The following LRP1B variants were observed in gnomAD, a reference collection of about 807,000 sequenced individuals.
LRP1B encodes LDL receptor related protein 1B, also known as low-density lipoprotein receptor-related protein 1B.
LRP1B carries 217 observed loss-of-function variants against 556.6 expected under a neutral mutation model. The ratio of observed to expected loss-of-function variants is 0.39; its 90% CI spans 0.35 to 0.44. The LOEUF is 0.44. Ranked by LOEUF, LRP1B falls within the 20% of genes least tolerant of loss-of-function variation. LRP1B has a pLI of 1.00. For missense variants in LRP1B, 5,053 were observed against 5,620.8 expected, an observed-to-expected ratio of 0.90 and a Z score of 3.23; for synonymous variants, 2,047 against 1,865.8, an observed-to-expected ratio of 1.10 and a Z score of -2.50.
chr2:141,188,650 A>G (rs1281798451), intron 6 of LRP1B, 67 bp from the exon 7 acceptor site: 6 of 1,404,986 alleles, frequency 4.3e-6, no homozygotes, highest in African/African-American at 1.4e-5. Context: ...CAAAAATAAC[A>G]TAAGTGTTTC....
chr2:140,779,721 G>A (rs988981262), intron 32 of LRP1B, among the ~76,000 whole-genome samples: 3 of 142,150 alleles, frequency 2.1e-5, no homozygotes, highest in African/African-American at 7.9e-5. Flanking sequence ...AAAAGTGTGT[G>A]TGTGTGTGTG....
intron 3 of LRP1B, among the ~76,000 whole-genome samples, chr2:141,439,872 G>T (rs1228516928): frequency 6.6e-6 from 1 of 152,152 alleles, no homozygotes; most frequent in Admixed American, 6.5e-5. Context: ...TTAATTTCTT[G>T]CTTCAATTCA....
intron 3 of LRP1B, among the ~76,000 whole-genome samples, chr2:141,289,381 CAAAAAAAA>C (rs34784985): frequency 9.2e-5 from 4 of 43,468 alleles, no homozygotes; most frequent in Admixed American, 3.0e-4. Flanking sequence ...GACTCCATCT[CAAAAAAAA>C]AAAAAAAAAA....
chr2:140,699,674 A>T (rs1020921302), intron 41 of LRP1B, among the ~76,000 whole-genome samples: 10 of 151,204 alleles, frequency 6.6e-5, no homozygotes, highest in Non-Finnish European at 1.5e-5. Flanking sequence ...AATTATGTGG[A>T]TAATCCTCAC....
At chr2:140,802,525 C>T (rs1470445467) in intron 32 of LRP1B, among the ~76,000 whole-genome samples, 3 of 152,116 alleles carry the variant, frequency 2.0e-5, no homozygotes, top group Admixed American at 2.0e-4. Flanking sequence ...TTCACCACTT[C>T]AGAAAAATCA....
At chr2:142,112,995 A>C (rs186212281) in intron 1 of LRP1B, among the ~76,000 whole-genome samples, 1 of 152,264 alleles carries the variant, frequency 6.6e-6, no homozygotes, top group East Asian at 1.9e-4. Flanking sequence ...GTTGGTACTT[A>C]ACCACCAGAA....
intron 18 of LRP1B, among the ~76,000 whole-genome samples, chr2:140,956,840 A>T (rs1695888054): frequency 6.6e-6 from 1 of 151,754 alleles, no homozygotes; most frequent in Non-Finnish European, 1.5e-5. Context: ...TAGTTACCTA[A>T]CATCTCTGAA....
intron 3 of LRP1B, among the ~76,000 whole-genome samples, chr2:141,441,297 T>C (rs1049473532): frequency 6.6e-6 from 1 of 151,992 alleles, no homozygotes; most frequent in African/African-American, 2.4e-5. Context: ...AGGCTAGTCT[T>C]GAACGCCTGA....
intron 2 of LRP1B, among the ~76,000 whole-genome samples, chr2:141,592,616 A>C (rs1687380316): frequency 6.6e-6 from 1 of 152,186 alleles, no homozygotes; most frequent in Non-Finnish European, 1.5e-5. Context: ...GAAGATATGA[A>C]AGTATATATC....
chr2:140,731,764 CAAAAAAA>C (rs36060787), intron 35 of LRP1B, among the ~76,000 whole-genome samples: 2 of 59,388 alleles, frequency 3.4e-5, no homozygotes, highest in East Asian at 4.9e-4. Context: ...GAGACTCCGT[CAAAAAAA>C]AAAAAAAAAA....
At chr2:141,496,968 C>T (rs761014323) in intron 2 of LRP1B, among the ~76,000 whole-genome samples, 5 of 151,932 alleles carry the variant, frequency 3.3e-5, no homozygotes, top group Admixed American at 6.6e-5. Flanking sequence ...TCTGACAGCT[C>T]GGTTCAAATT....
chr2:141,016,668 C>A (rs2105391169), intron 12 of LRP1B, among the ~76,000 whole-genome samples: 1 of 152,162 alleles, frequency 6.6e-6, no homozygotes, highest in South Asian at 2.1e-4. Flanking sequence ...GAGAGGGGGT[C>A]TTGAACTAAT....
intron 50 of LRP1B, among the ~76,000 whole-genome samples, chr2:140,515,674 ATAAAAT>A (rs1283248121): frequency 2.0e-5 from 3 of 152,070 alleles, no homozygotes; most frequent in African/African-American, 7.2e-5. Context: ...TTTGGAAAAA[ATAAAAT>A]TAAAGAAGAT....
intron 7 of LRP1B, among the ~76,000 whole-genome samples, chr2:141,100,644 A>C (rs1263332497): frequency 6.6e-6 from 1 of 152,192 alleles, no homozygotes; most frequent in East Asian, 1.9e-4. Context: ...GAAGAAAGGA[A>C]ACCTGGCCTT....
intron 36 of LRP1B, 98 bp from the exon 37 acceptor site, chr2:140,716,200 A>T (rs1687204196): frequency 1.2e-6 from 1 of 860,068 alleles, no homozygotes; most frequent in Non-Finnish European, 1.8e-6. Flanking sequence ...CATAACTATC[A>T]AGAAACTGTT....
intron 5 of LRP1B, among the ~76,000 whole-genome samples, chr2:141,229,955 C>T (rs998060599): frequency 1.3e-5 from 2 of 152,196 alleles, no homozygotes; most frequent in African/African-American, 4.8e-5. Context: ...AACAATCACA[C>T]ATTCTTTTAG....
At chr2:140,345,225 A>G (rs531641551) in intron 77 of LRP1B, among the ~76,000 whole-genome samples, 2 of 151,694 alleles carry the variant, frequency 1.3e-5, no homozygotes, top group African/African-American at 4.8e-5. Context: ...GTAGGAAATC[A>G]TACCTACTTG....
intron 2 of LRP1B, among the ~76,000 whole-genome samples, chr2:141,482,071 A>G (rs1488520091): frequency 6.6e-6 from 1 of 152,150 alleles, no homozygotes; most frequent in Non-Finnish European, 1.5e-5. Flanking sequence ...CCAATCTAAC[A>G]TATTTTAGGA....
chr2:141,173,770 G>A (rs141839102), intron 7 of LRP1B, among the ~76,000 whole-genome samples: 44 of 152,076 alleles, frequency 2.9e-4, no homozygotes, highest in African/African-American at 1.0e-3. Context: ...GTGGCTCTCT[G>A]ATGATGTCAC....
Sources: allele counts gnomAD v4.1 joint callset (sites outside exome capture counted in the v4.1 genomes callset), GRCh38; gene constraint gnomAD v4.1.1; transcripts MANE v1.5; gene names NCBI Gene and HGNC (gene_info 2026-07-23, HGNC 2026-07-21).